The following RTN1 variants were observed in gnomAD, a reference collection of about 807,000 sequenced individuals.
The protein encoded by RTN1 is reticulon 1, also known as reticulon-1.
In RTN1, 25 loss-of-function variants were observed where a neutral mutation model predicts 65.5. That is an observed-to-expected ratio of 0.38 (90% CI 0.28 to 0.53). RTN1 has a LOEUF of 0.53. RTN1 is among the 20% of genes least tolerant of loss of function. The probability of loss-of-function intolerance (pLI) is 0.79; values close to 1 mark genes in which losing one functional copy is unlikely to be tolerated. For synonymous variants in RTN1, 471 were observed against 447.6 expected, an observed-to-expected ratio of 1.05 and a Z score of -0.66; for missense variants, 983 against 1,025.4, an observed-to-expected ratio of 0.96 and a Z score of 0.57.
intron 1 of RTN1, among the ~76,000 whole-genome samples, chr14:59,752,453 T>C (rs1027009141): frequency 6.6e-6 from 1 of 152,132 alleles, no homozygotes; most frequent in Non-Finnish European, 1.5e-5. Flanking sequence ...CCAGATATCA[T>C]TGCCTTGGGG....
chr14:59,869,535 G>C (rs1459086866), intron 1 of RTN1, among the ~76,000 whole-genome samples: 1 of 146,196 alleles, frequency 6.8e-6, no homozygotes, highest in Non-Finnish European at 1.5e-5. Context: ...ACTTTGAATA[G>C]GGCGTCAGGC....
intron 3 of RTN1, among the ~76,000 whole-genome samples, chr14:59,710,301 T>C (rs1008896952): frequency 6.6e-6 from 1 of 152,214 alleles, no homozygotes; most frequent in African/African-American, 2.4e-5. Flanking sequence ...GTGTTGGGAT[T>C]ACAGGCATGA....
Position 59,603,120 on chromosome 14 carries a change from G to T in RTN1, c.2233C>A (p.Gln745Lys). Residue 745 changes from glutamine to lysine, a missense_variant, in exon 8 of 9, where the codon CAG (glutamine) becomes AAG (lysine). This residue lies in a region of RTN1 where 165 missense variants were observed against 223.6 expected (regional missense o/e 0.74). Coordinates refer to ENST00000267484, the MANE Select transcript of RTN1 (RefSeq NM_021136.3). ...ACAAGTCCCAGATATTGGTCAATCT[G>T]TGCCTACATAAAGAAAAAAAAAATA... ...LPVVYVKHQA[Q>K]IDQYLGLVRT... The T allele has an allele frequency of 6.2e-7, 1 of 1,611,934 alleles. No homozygotes were observed. Among genetic ancestry groups the T allele is most frequent in the South Asian group, 1.1e-5 (1 of 90,564 alleles).
At chr14:59,638,322 G>A (rs1436333176) in intron 3 of RTN1, among the ~76,000 whole-genome samples, 1 of 152,140 alleles carries the variant, frequency 6.6e-6, no homozygotes, top group East Asian at 1.9e-4. Flanking sequence ...ATTTTGAAAG[G>A]AATATGTATT....
At chr14:59,630,772 G>A (rs1236524270) in intron 3 of RTN1, 1 of 1,065,526 alleles carries the variant, frequency 9.4e-7, no homozygotes, top group South Asian at 4.5e-5. Flanking sequence ...GCGTTGGCTG[G>A]GCTGCCCAAG....
intron 3 of RTN1, chr14:59,630,638 C>G (rs779774819): frequency 7.4e-7 from 1 of 1,353,824 alleles, no homozygotes; most frequent in Non-Finnish European, 9.5e-7. Flanking sequence ...CTGCACCAGG[C>G]GGCGCGCGGT....
intron 1 of RTN1, among the ~76,000 whole-genome samples, chr14:59,776,383 C>T (rs1465887484): frequency 2.6e-5 from 4 of 152,108 alleles, no homozygotes; most frequent in African/African-American, 7.2e-5. Flanking sequence ...TGCTCTCTTG[C>T]TCTCTCATGC....
rs1887835044 is a variant in RTN1, at chr14:59,868,443, CT to C, written c.241+1946del. On this transcript the variant is annotated intron_variant, in intron 1 of 8. Coordinates refer to ENST00000267484, the MANE Select transcript of RTN1 (RefSeq NM_021136.3). The surrounding 1 kb of genome is among the most constrained non-coding windows in gnomAD (Gnocchi z 4.0). Reference sequence around the variant, plus strand: ...ACACATTCAATAAAGCAAGGTATTTCTATAATAATAATACTAAAAATGCAAA... The same window carrying C: ...ACACATTCAATAAAGCAAGGTATTTCATAATAATAATACTAAAAATGCAAA... Among the ~76,000 whole-genome samples, 1 of 152,098 alleles carries C rather than the reference CT, an allele frequency of 6.6e-6. No individual in the cohort carries two copies. The highest frequency in any genetic ancestry group is 6.6e-5 in the Admixed American group (1 of 15,262).
At chr14:59,615,924 T>C (rs1258178034) in intron 3 of RTN1, among the ~76,000 whole-genome samples, 1 of 152,304 alleles carries the variant, frequency 6.6e-6, no homozygotes, top group Non-Finnish European at 1.5e-5. Flanking sequence ...TTTGGAGTTA[T>C]CATTTTGGCC....
chr14:59,663,485 A>T (rs1883295938), intron 3 of RTN1, among the ~76,000 whole-genome samples: 1 of 152,242 alleles, frequency 6.6e-6, no homozygotes, highest in Admixed American at 6.5e-5. Context: ...GACAAATGGG[A>T]TCTAATTAAA....
rs1886865771 is a variant in RTN1, at chr14:59,818,659, A to G, written c.241+51731T>C. 2.6e-5 allele frequency among the ~76,000 whole-genome samples: 4 copies of G among 152,168 alleles called. No homozygotes were observed. The South Asian group carries it at 8.3e-4, about 32-fold the overall frequency. On this transcript the variant is annotated intron_variant, in intron 1 of 8. Transcript: ENST00000267484. ...GTGTGTCTTTATGGTAGGAGGATTT[A>G]TATTTCTTTGGGTATATACCCAGTA... is the stretch of plus-strand genomic sequence containing the variant.
chr14:59,708,260 T>A (rs368667858), intron 3 of RTN1, among the ~76,000 whole-genome samples: 13 of 152,310 alleles, frequency 8.5e-5, no homozygotes, highest in African/African-American at 2.9e-4. Flanking sequence ...ACAAGCTCGG[T>A]GTGGTAAAGC....
intron 2 of RTN1, among the ~76,000 whole-genome samples, chr14:59,734,958 A>C (rs1215502805): frequency 6.6e-6 from 1 of 152,184 alleles, no homozygotes; most frequent in South Asian, 2.1e-4. Flanking sequence ...GGTCAAAATG[A>C]AAGAAAAAAT....
intron 1 of RTN1, among the ~76,000 whole-genome samples, chr14:59,776,774 T>G (rs886633970): frequency 6.6e-6 from 1 of 152,072 alleles, no homozygotes; most frequent in South Asian, 2.1e-4. Context: ...ATGAAAAATT[T>G]ATTTCAGGAG....
chr14:59,716,648 T>C (rs1421867337), intron 3 of RTN1, among the ~76,000 whole-genome samples: 3 of 152,078 alleles, frequency 2.0e-5, no homozygotes, highest in Admixed American at 2.0e-4. Flanking sequence ...AGAAATCTTA[T>C]TGTAAAGTTC....
At chr14:59,860,204 C>T (rs1228287874) in intron 1 of RTN1, among the ~76,000 whole-genome samples, 1 of 152,154 alleles carries the variant, frequency 6.6e-6, no homozygotes, top group Admixed American at 6.5e-5. Flanking sequence ...TCCAGGGTCC[C>T]GTGCTGTATG....
chr14:59,780,260 A>C (rs1007511647), intron 1 of RTN1, among the ~76,000 whole-genome samples: 6 of 152,206 alleles, frequency 3.9e-5, no homozygotes, highest in Non-Finnish European at 7.3e-5. Context: ...TTCCATCCTG[A>C]GGTTTATGGA....
At chr14:59,769,786 A>G (rs1885918618) in intron 1 of RTN1, among the ~76,000 whole-genome samples, 1 of 152,218 alleles carries the variant, frequency 6.6e-6, no homozygotes, top group Non-Finnish European at 1.5e-5. Flanking sequence ...CATTGTCGAC[A>G]GCTGTGATGA....
At chr14:59,625,481 T>A (rs1238685502) in intron 3 of RTN1, among the ~76,000 whole-genome samples, 1 of 152,226 alleles carries the variant, frequency 6.6e-6, no homozygotes, top group Admixed American at 6.5e-5. Context: ...GAAACATGGA[T>A]CTGACGTTCC....
Sources: gnomAD v4.1 joint callset for allele counts (sites outside exome capture counted in the v4.1 genomes callset) on GRCh38, gnomAD v4.1.1 for gene constraint, gnomAD v4.1.1 regional missense constraint, Gnocchi (gnomAD v3.1) non-coding constraint, MANE v1.5 for transcripts, NCBI Gene and HGNC (gene_info 2026-07-23, HGNC 2026-07-21) for gene names.